The following CTLA4 variants were observed in gnomAD, a reference collection of about 807,000 sequenced individuals.
The protein encoded by CTLA4 is cytotoxic T-lymphocyte protein 4.
In CTLA4, 3 loss-of-function variants were observed where a neutral mutation model predicts 20.4. The ratio of observed to expected loss-of-function variants is 0.15; its 90% CI spans 0.07 to 0.38. The LOEUF is 0.38. CTLA4 is among the 10% of genes least tolerant of loss of function. The probability of loss-of-function intolerance (pLI) is 1.00; values close to 1 mark genes in which losing one functional copy is unlikely to be tolerated. For missense variants in CTLA4, 184 were observed against 276.8 expected (o/e 0.66, Z 2.38); for synonymous variants, 100 against 105.2 (o/e 0.95, Z 0.30).
intron 1 of CTLA4, among the ~76,000 whole-genome samples, chr2:203,868,593 G>T (rs546197304): frequency 7.2e-5 from 11 of 151,838 alleles, no homozygotes; most frequent in Non-Finnish European, 1.0e-4. Context: ...AGGTTTTAAG[G>T]TTCTCTTAAT....
In CTLA4 at chr2:203,871,087, G is replaced by T. The variant is rs73993040; in HGVS notation, c.457+154G>T. On this transcript the variant is annotated intron_variant, in intron 2 of 3. Transcript: ENST00000648405. ...ACCACATGGTAGCCTTGCTTATTGT[G>T]GGTGGCAACCTTAATAGCATTCTGA... Among the ~76,000 whole-genome samples, 2,314 of 152,272 alleles carry T rather than the reference G, an allele frequency of 0.015. 51 individuals are homozygous for T. Among genetic ancestry groups the T allele is most frequent in the African/African-American group, 0.051 (2,113 of 41,526 alleles).
At chr2:203,869,185 T>C (rs1347630077) in intron 1 of CTLA4, among the ~76,000 whole-genome samples, 3 of 152,176 alleles carry the variant, frequency 2.0e-5, no homozygotes, top group African/African-American at 7.2e-5. Flanking sequence ...AGTGCTCACT[T>C]GGGTGGGCTA....
chr2:203,872,638 G>A, intron 3 of CTLA4, 70 bp from the exon 4 acceptor site: 1 of 920,160 alleles, frequency 1.1e-6, no homozygotes, highest in Non-Finnish European at 1.8e-6. Context: ...TATGTGTTGA[G>A]TTCTATTATG....
Position 203,870,917 on chromosome 2 carries a change from C to A in CTLA4, c.441C>A (p.Thr147=), listed in dbSNP as rs1688719012. ...ACTACCTGGGCATAGGCAACGGAAC[C>A]CAGATTTATGTAATTGGTGAGCAAA... ...PPYYLGIGNG[T]QIYVIDPEPC... The change falls in exon 2 of 4, where the codon ACC becomes ACA. Residue 147 remains threonine, a synonymous_variant. Transcript: ENST00000648405. This position sits in a 1 kb window ranked among gnomAD's most constrained non-coding sequence, Gnocchi z 5.3. 6.2e-7 allele frequency: 1 copy of A among 1,612,950 alleles called. No homozygotes were observed. The highest frequency in any genetic ancestry group is 8.5e-7 in the Non-Finnish European group (1 of 1,179,184).
In CTLA4 at chr2:203,870,721, C is replaced by A; in HGVS notation, c.245C>A (p.Thr82Asn). 1 of 1,614,202 alleles carries A rather than the reference C, an allele frequency of 6.2e-7. No homozygotes were observed. The highest frequency in any genetic ancestry group is 8.5e-7 in the Non-Finnish European group (1 of 1,180,050). ...TVLRQADSQV[T>N]EVCAATYMMG... is the part of the protein sequence containing the mutation. ...CTTCGGCAGGCTGACAGCCAGGTGA[C>A]TGAAGTCTGTGCGGCAACCTACATG... The change falls in exon 2 of 4, where the codon ACT becomes AAT. Residue 82 changes from threonine (T) to asparagine (N), a missense_variant. By Grantham distance (65) the Thr-to-Asn change is moderately conservative (BLOSUM62 0). This residue lies in a region of CTLA4 where 147 missense variants were observed against 223.4 expected (regional missense o/e 0.66). Coordinates refer to ENST00000648405, the MANE Select transcript of CTLA4 (RefSeq NM_005214.5). The surrounding 1 kb of genome is among the most constrained non-coding windows in gnomAD (Gnocchi z 5.3).
Position 203,867,862 on chromosome 2 carries a change from T to G in CTLA4, c.-81T>G, listed in dbSNP as rs1688655639. 1 of 996,682 alleles carries G rather than the reference T, an allele frequency of 1.0e-6. No homozygotes were observed. Among genetic ancestry groups the G allele is most frequent in the African/African-American group, 1.6e-5 (1 of 62,406 alleles). 61.7% of individuals were successfully genotyped at this position (996,682 alleles called of 1,614,324 possible). On this transcript the variant is annotated 5_prime_UTR_variant, in exon 1 of 4. Coordinates refer to ENST00000648405, the MANE Select transcript of CTLA4 (RefSeq NM_005214.5). ...TATAAAGTCCTTGATTCTGTGTGGG[T>G]TCAAACACATTTCAAAGCTTCAGGA...
In CTLA4 at chr2:203,873,440, G is replaced by C; in HGVS notation, c.*628G>C. 4.5e-6 allele frequency: 1 copy of C among 220,212 alleles called. No homozygotes were observed. The highest frequency in any genetic ancestry group is 8.8e-6 in the Non-Finnish European group (1 of 113,586). 13.6% of individuals were successfully genotyped at this position (220,212 alleles called of 1,614,324 possible). On this transcript the variant is annotated 3_prime_UTR_variant, in exon 4 of 4. Transcript: ENST00000648405. ...GTATGTTTTTGTGTATTTGTTAATGGTTTGAATATAAACACTATATGGCAG... is the reference window on the plus strand; with the variant it reads ...GTATGTTTTTGTGTATTTGTTAATGCTTTGAATATAAACACTATATGGCAG...
chr2:203,873,709 T>TGTCTTGAAGACAATGGCTTACTCCTG lies in CTLA4; in HGVS notation c.*921_*922insTGGTCTTGAAGACAATGGCTTACTCC. On this transcript the variant is annotated 3_prime_UTR_variant, in exon 4 of 4. Coordinates refer to ENST00000648405, the MANE Select transcript of CTLA4 (RefSeq NM_005214.5). Reference sequence around the variant, plus strand: ...TATCTGAGTTGACTTGACAGAACACTGTCTTGAAGACAATGGCTTACTCCA... The same window carrying TGTCTTGAAGACAATGGCTTACTCCTG: ...TATCTGAGTTGACTTGACAGAACACTGTCTTGAAGACAATGGCTTACTCCTGGTCTTGAAGACAATGGCTTACTCCA... 4.5e-6 allele frequency: 1 copy of TGTCTTGAAGACAATGGCTTACTCCTG among 222,804 alleles called. No homozygotes were observed. Among genetic ancestry groups the TGTCTTGAAGACAATGGCTTACTCCTG allele is most frequent in the East Asian group, 6.5e-5 (1 of 15,292 alleles). The allele number at this position is 222,804 out of a possible 1,614,324, so 13.8% of individuals were successfully genotyped here.
intron 1 of CTLA4, among the ~76,000 whole-genome samples, chr2:203,869,657 A>G (rs992139453): frequency 6.6e-6 from 1 of 152,230 alleles, no homozygotes; most frequent in African/African-American, 2.4e-5. Flanking sequence ...GAGTGACATC[A>G]TGCAACACAA....
At position 203,870,954 on chromosome 2, in the gene CTLA4, G is replaced by C. The variant is rs745731400; in HGVS notation, c.457+21G>C. ...AATTGGTGAGCAAAGCCATTTCACT[G>C]AGTTGACACCTGTTGCATTGCAGTC... On this transcript the variant is annotated intron_variant, in intron 2 of 3. Transcript: ENST00000648405. The surrounding 1 kb of genome is among the most constrained non-coding windows in gnomAD (Gnocchi z 5.3). The C allele has an allele frequency of 1.3e-5, 20 of 1,585,422 alleles. No individual in the cohort carries two copies. The East Asian group carries it at 4.5e-4, about 36-fold the overall frequency.
Position 203,870,526 on chromosome 2 carries a change from C to G in CTLA4, c.110-60C>G. On this transcript the variant is annotated intron_variant, in intron 1 of 3. Transcript: ENST00000648405. The surrounding 1 kb of genome is among the most constrained non-coding windows in gnomAD (Gnocchi z 5.3). ...GAAGCTAGAAGGCAGAAGGGCTTGC[C>G]TGGGCTTGGCCATGAAGGAGCATGA... The G allele has an allele frequency of 1.3e-6, 2 of 1,571,424 alleles. No homozygotes were observed. Among genetic ancestry groups the G allele is most frequent in the South Asian group, 1.2e-5 (1 of 84,848 alleles).
At chr2:203,868,099 C>A in intron 1 of CTLA4, 48 bp downstream of exon 1, 1 of 1,408,908 alleles carries the variant, frequency 7.1e-7, no homozygotes, top group Non-Finnish European at 1.0e-6. Flanking sequence ...GTTTCTCCTA[C>A]CTGGGTTTCA....
chr2:203,869,522 T>C (rs1244873111), intron 1 of CTLA4, among the ~76,000 whole-genome samples: 1 of 152,214 alleles, frequency 6.6e-6, no homozygotes, highest in Non-Finnish European at 1.5e-5. Flanking sequence ...AGCAGGAAAG[T>C]GTGTCCTAGA....
intron 3 of CTLA4, among the ~76,000 whole-genome samples, chr2:203,872,243 T>C (rs1446912247): frequency 6.6e-6 from 1 of 152,138 alleles, no homozygotes; most frequent in African/African-American, 2.4e-5. Context: ...TCTTTCTCCC[T>C]CTCTGTCTCT....
In CTLA4 at chr2:203,872,864, A is replaced by T. The variant is rs758212988; in HGVS notation, c.*52A>T. ...TATTTCAATTTCCAAGAGCTGAGGC[A>T]ATTCTAACTTTTTTGCTATCCAGCT... On this transcript the variant is annotated 3_prime_UTR_variant, in exon 4 of 4. Coordinates refer to ENST00000648405, the MANE Select transcript of CTLA4 (RefSeq NM_005214.5). The T allele has an allele frequency of 5.9e-6, 7 of 1,189,990 alleles. No individual in the cohort carries two copies. The highest frequency in any genetic ancestry group is 8.7e-6 in the Non-Finnish European group (7 of 801,750). 73.7% of individuals were successfully genotyped at this position (1,189,990 alleles called of 1,614,324 possible).
In CTLA4 at chr2:203,870,300, A is replaced by T; in HGVS notation, c.110-286A>T. ...TGACTTGCCCCAAATCACATATTTCATGGTAGAGCCAGGTCTTCTGTTTGT... is the reference window on the plus strand; with the variant it reads ...TGACTTGCCCCAAATCACATATTTCTTGGTAGAGCCAGGTCTTCTGTTTGT... On this transcript the variant is annotated intron_variant, in intron 1 of 3. Coordinates refer to ENST00000648405, the MANE Select transcript of CTLA4 (RefSeq NM_005214.5). This position sits in a 1 kb window ranked among gnomAD's most constrained non-coding sequence, Gnocchi z 5.3. 1 of 465,728 alleles carries T rather than the reference A, an allele frequency of 2.1e-6. No homozygotes were observed. The highest frequency in any genetic ancestry group is 3.9e-6 in the Non-Finnish European group (1 of 257,648). The allele number at this position is 465,728 out of a possible 1,614,324, so 28.8% of individuals were successfully genotyped here. A position where few individuals can be genotyped will look rare whatever the true frequency, so the allele number is the denominator to read the frequency against.
In CTLA4 at chr2:203,870,637, C is replaced by T; in HGVS notation, c.161C>T (p.Ala54Val). The change falls in exon 2 of 4, where the codon GCC (alanine) becomes GTC (valine). Residue 54 changes from alanine (A) to valine (V), a missense_variant. Physicochemically the swap from Ala to Val is moderately conservative, Grantham distance 64. Around this residue, in one of 3 missense-constraint regions of CTLA4, gnomAD observed 147 missense variants for 223.4 expected, o/e 0.66. Transcript: ENST00000648405. This position sits in a 1 kb window ranked among gnomAD's most constrained non-coding sequence, Gnocchi z 5.3. ...AVVLASSRGI[A>V]SFVCEYASPG... ...GTACTGGCCAGCAGCCGAGGCATCG[C>T]CAGCTTTGTGTGTGAGTATGCATCT... 6.2e-7 allele frequency: 1 copy of T among 1,614,198 alleles called. No individual in the cohort carries two copies. The highest frequency in any genetic ancestry group is 8.5e-7 in the Non-Finnish European group (1 of 1,180,026).
chr2:203,871,761 G>A (rs1448412169), intron 3 of CTLA4, among the ~76,000 whole-genome samples: 1 of 152,176 alleles, frequency 6.6e-6, no homozygotes, highest in Non-Finnish European at 1.5e-5. Flanking sequence ...ACATGGGGCA[G>A]CTGTTTTGCT....
At chr2:203,872,626 A>C in intron 3 of CTLA4, 82 bp from the exon 4 acceptor site, 1 of 787,798 alleles carries the variant, frequency 1.3e-6, no homozygotes, top group Non-Finnish European at 2.2e-6. Context: ...CTAGGGACCC[A>C]ATATGTGTTG....
Sources: gnomAD v4.1 joint callset for allele counts (sites outside exome capture counted in the v4.1 genomes callset) on GRCh38, gnomAD v4.1.1 for gene constraint, gnomAD v4.1.1 regional missense constraint, Gnocchi (gnomAD v3.1) non-coding constraint, MANE v1.5 for transcripts, NCBI Gene and HGNC (gene_info 2026-07-23, HGNC 2026-07-21) for gene names.